ADGRL2: variants seen among roughly 807,000 people sequenced by gnomAD.
ADGRL2 encodes calcium-independent alpha-latrotoxin receptor 2.
ADGRL2 carries 44 observed loss-of-function variants against 157.4 expected under a neutral mutation model. The observed-to-expected ratio is 0.28, with a 90% CI of 0.22 to 0.36. The LOEUF (loss-of-function observed/expected upper bound fraction) is 0.36. Ranked by LOEUF, ADGRL2 falls within the 10% of genes least tolerant of loss-of-function variation. The pLI is 1.00. For synonymous variants in ADGRL2, 585 were observed against 624.7 expected (o/e 0.94, Z 0.95); for missense variants, 1,510 against 1,768.9 (o/e 0.85, Z 2.63).
At chr1:81,674,164 C>T (rs1376950011) in intron 3 of ADGRL2, among the ~76,000 whole-genome samples, 2 of 151,896 alleles carry the variant, frequency 1.3e-5, no homozygotes, top group Non-Finnish European at 2.9e-5. Context: ...TGTAAAGTTT[C>T]ATGTAAAGTT....
At chr1:81,965,570 A>G (rs1367019649) in intron 11 of ADGRL2, among the ~76,000 whole-genome samples, 2 of 152,204 alleles carry the variant, frequency 1.3e-5, no homozygotes, top group African/African-American at 4.8e-5. Flanking sequence ...AAAGTGGATC[A>G]TAGATAGAAA....
intron 3 of ADGRL2, among the ~76,000 whole-genome samples, chr1:81,624,891 G>C (rs2081878059): frequency 6.6e-6 from 1 of 152,142 alleles, no homozygotes; most frequent in African/African-American, 2.4e-5. Context: ...TTGCTGTGCA[G>C]CTCTATTATT....
chr1:81,555,327 G>T, intron 2 of ADGRL2, among the ~76,000 whole-genome samples: 1 of 142,874 alleles, frequency 7.0e-6, no homozygotes, highest in African/African-American at 2.6e-5. Context: ...GAGTACAAAT[G>T]GCATGATCCT....
intron 3 of ADGRL2, among the ~76,000 whole-genome samples, chr1:81,625,430 C>A (rs1358179352): frequency 6.6e-6 from 1 of 152,088 alleles, no homozygotes; most frequent in Admixed American, 6.6e-5. Flanking sequence ...AGGTATTTTT[C>A]TTCCTTATAT....
At chr1:81,589,630 A>G (rs1201881329) in intron 3 of ADGRL2, among the ~76,000 whole-genome samples, 1 of 152,214 alleles carries the variant, frequency 6.6e-6, no homozygotes, top group Non-Finnish European at 1.5e-5. Context: ...AGCTATGTGC[A>G]GATAGAGGAC....
intron 3 of ADGRL2, among the ~76,000 whole-genome samples, chr1:81,588,010 A>G (rs1395660951): frequency 6.6e-6 from 1 of 152,128 alleles, no homozygotes; most frequent in East Asian, 1.9e-4. Context: ...AGAAGCAGGG[A>G]CCAAGAGTAA....
chr1:81,542,114 A>G (rs1410922909), intron 2 of ADGRL2, among the ~76,000 whole-genome samples: 1 of 152,222 alleles, frequency 6.6e-6, no homozygotes, highest in Non-Finnish European at 1.5e-5. Context: ...TTGGCATTGG[A>G]GAACTTCATG....
At chr1:81,956,291 G>C (rs564744140) in intron 11 of ADGRL2, among the ~76,000 whole-genome samples, 1 of 152,212 alleles carries the variant, frequency 6.6e-6, no homozygotes, top group South Asian at 2.1e-4. Context: ...TTTTCCAGTT[G>C]AAAAATCATT....
chr1:81,703,671 T>C (rs1367419840), intron 1 of ADGRL2, among the ~76,000 whole-genome samples: 1 of 152,212 alleles, frequency 6.6e-6, no homozygotes, highest in Non-Finnish European at 1.5e-5. Flanking sequence ...TAAAACAATT[T>C]ACAATGAAAA....
Position 81,943,921 on chromosome 1 carries a change from T to G in ADGRL2, c.1210+152T>G. On this transcript the variant is annotated intron_variant, in intron 6 of 23. Transcript: ENST00000686636. This position sits in a 1 kb window ranked among gnomAD's most constrained non-coding sequence, Gnocchi z 5.6. The stretch of plus-strand genomic sequence containing the variant: ...TGGTACATTTTAGCCTTATTATGGT[T>G]CGTTTTCTTTTTCTCAATTTCTTCA... The G allele has an allele frequency of 1.6e-6, 1 of 618,504 alleles. No homozygotes were observed. The highest frequency in any genetic ancestry group is 2.7e-6 in the Non-Finnish European group (1 of 365,736). 38.3% of individuals were successfully genotyped at this position (618,504 alleles called of 1,614,324 possible). A position where few individuals can be genotyped will look rare whatever the true frequency, so the allele number is the denominator to read the frequency against.
intron 3 of ADGRL2, among the ~76,000 whole-genome samples, chr1:81,655,181 T>C (rs2082504592): frequency 1.3e-5 from 2 of 152,200 alleles, no homozygotes; most frequent in Admixed American, 6.5e-5. Context: ...TTTCTATTTT[T>C]AGTAGAGACG....
At position 81,407,547 on chromosome 1, in the gene ADGRL2, A is replaced by G. The variant is rs142418136; in HGVS notation, c.-301-37489A>G. Reference sequence around the variant, plus strand: ...AACAGCTGTTTTTATTCTGCTTTTCAAGGATTCTCTTAAACAATGATTCTC... The same window carrying G: ...AACAGCTGTTTTTATTCTGCTTTTCGAGGATTCTCTTAAACAATGATTCTC... On this transcript the variant is annotated intron_variant, in intron 1 of 24. Coordinates refer to the ADGRL2 transcript ENST00000370721. Among the ~76,000 whole-genome samples the G allele has an allele frequency of 5.9e-3, 900 of 152,344 alleles. 21 individuals are homozygous for G. The highest frequency in any genetic ancestry group is 0.059 in the East Asian group (305 of 5,182).
Position 81,356,890 on chromosome 1 carries a change from T to C in ADGRL2, c.-302+50381T>C, listed in dbSNP as rs201953786. 5.3e-4 allele frequency among the ~76,000 whole-genome samples: 71 copies of C among 135,084 alleles called. 1 individual carries two copies. The East Asian group carries it at 0.016, about 30-fold the overall frequency. 88.6% of individuals were successfully genotyped at this position (135,084 alleles called of 152,430 possible). ...ATGGCGTGAACCCGGGAGGCGGAGC[T>C]TGCAGTGAGCAGAGATCGCGCCACT... On this transcript the variant is annotated intron_variant, in intron 1 of 24. Coordinates refer to the ADGRL2 transcript ENST00000370721.
chr1:81,830,041 A>G (rs188405544), intron 1 of ADGRL2, among the ~76,000 whole-genome samples: 8 of 152,228 alleles, frequency 5.3e-5, no homozygotes, highest in African/African-American at 1.9e-4. Context: ...CATCACATTT[A>G]CTACCATTAA....
Position 81,955,865 on chromosome 1 carries a change from T to C in ADGRL2, c.1834-12T>C. ...GCGGTCAAAACTAATGATAGTTTTC[T>C]AATGGATACAGGCAATTGTTGACAC... On this transcript the variant is annotated splice_polypyrimidine_tract_variant and intron_variant, in intron 10 of 23. Coordinates refer to ENST00000686636, the MANE Select transcript of ADGRL2 (RefSeq NM_001366006.2). 6.5e-7 allele frequency: 1 copy of C among 1,534,254 alleles called. No individual in the cohort carries two copies. The highest frequency in any genetic ancestry group is 8.8e-7 in the Non-Finnish European group (1 of 1,141,136).
intron 2 of ADGRL2, among the ~76,000 whole-genome samples, chr1:81,555,197 A>G (rs761096928): frequency 3.4e-4 from 52 of 152,012 alleles, no homozygotes; most frequent in Non-Finnish European, 5.9e-4. Flanking sequence ...AGATCTAGTA[A>G]GAGACTGTAT....
At position 81,961,064 on chromosome 1, in the gene ADGRL2, A is replaced by G. The variant is rs188847718; in HGVS notation, c.2018-4994A>G. Among the ~76,000 whole-genome samples the G allele has an allele frequency of 2.7e-4, 41 of 152,274 alleles. 2 individuals carry two copies. The East Asian group carries it at 6.6e-3, about 24-fold the overall frequency. ...CTTCCTCTTTCCTCTCATTACAGCC[A>G]CTACTTGCTGAGGAATTTGCAAAAT... On this transcript the variant is annotated intron_variant, in intron 11 of 23. Coordinates refer to ENST00000686636, the MANE Select transcript of ADGRL2 (RefSeq NM_001366006.2).
rs1572048086 is a variant in ADGRL2, at chr1:81,907,308, A to C, written c.287+78A>C. On this transcript the variant is annotated intron_variant, in intron 3 of 23. Coordinates refer to ENST00000686636, the MANE Select transcript of ADGRL2 (RefSeq NM_001366006.2). ...AAATTATTACAGTTATTCCAAAGCG[A>C]ATGGATATAGACCACATCCCAGCCT... is the stretch of plus-strand genomic sequence containing the variant. 4.1e-6 allele frequency: 5 copies of C among 1,231,740 alleles called. No homozygotes were observed. The East Asian group carries it at 1.2e-4, about 29-fold the overall frequency. 76.3% of individuals were successfully genotyped at this position (1,231,740 alleles called of 1,614,324 possible). A position where few individuals can be genotyped will look rare whatever the true frequency, so the allele number is the denominator to read the frequency against.
intron 1 of ADGRL2, among the ~76,000 whole-genome samples, chr1:81,736,172 T>C (rs2084895815): frequency 6.9e-6 from 1 of 145,450 alleles, no homozygotes; most frequent in Non-Finnish European, 1.5e-5. Context: ...GGAGTCAAAC[T>C]GACAATCAGT....
Sources: allele counts gnomAD v4.1 joint callset (sites outside exome capture counted in the v4.1 genomes callset), GRCh38; gene constraint gnomAD v4.1.1; non-coding constraint Gnocchi (gnomAD v3.1); transcripts MANE v1.5; gene names NCBI Gene and HGNC (gene_info 2026-07-23, HGNC 2026-07-21).